CDKAL1: variants seen among roughly 807,000 people sequenced by gnomAD.
The protein encoded by CDKAL1 is threonylcarbamoyladenosine tRNA methylthiotransferase.
In CDKAL1, 32 loss-of-function variants were observed where a neutral mutation model predicts 68.2. The observed-to-expected ratio is 0.47, with a 90% CI of 0.35 to 0.63. The LOEUF (loss-of-function observed/expected upper bound fraction) is 0.63. Among genes scored for constraint, CDKAL1 ranks in the 30% least tolerant of loss-of-function variants. The probability of loss-of-function intolerance (pLI) is 0.00; values close to 1 mark genes in which losing one functional copy is unlikely to be tolerated. For synonymous variants in CDKAL1, 234 were observed against 244.3 expected (o/e 0.96, Z 0.39); for missense variants, 606 against 696.7 (o/e 0.87, Z 1.47).
chr6:20,779,013 C>T (rs1193860395), intron 7 of CDKAL1, among the ~76,000 whole-genome samples: 1 of 152,170 alleles, frequency 6.6e-6, no homozygotes, highest in East Asian at 1.9e-4. Context: ...ATAAGAAATA[C>T]ATTTGGCTGA....
At chr6:20,575,600 A>G (rs1193505616) in intron 4 of CDKAL1, among the ~76,000 whole-genome samples, 1 of 152,034 alleles carries the variant, frequency 6.6e-6, no homozygotes, top group African/African-American at 2.4e-5. Context: ...GGTCCAAGTT[A>G]TTTCTATGGT....
intron 12 of CDKAL1, among the ~76,000 whole-genome samples, chr6:21,092,198 T>G (rs1401401439): frequency 6.8e-6 from 1 of 146,248 alleles, no homozygotes; most frequent in Non-Finnish European, 1.5e-5. Flanking sequence ...GCTCAGAACT[T>G]TCAATCAGCT....
In CDKAL1 at chr6:21,103,965, C is replaced by T. The variant is rs374517075; in HGVS notation, c.1237-4436C>T. Among the ~76,000 whole-genome samples the T allele has an allele frequency of 9.2e-5, 14 of 152,156 alleles. No homozygotes were observed. In the South Asian group the frequency reaches 1.2e-3, roughly 14 times the overall value. Reference sequence around the variant, plus strand: ...AGTTAAAACTGTTGATAGCAAGGCTCGACAGGTTTTGTAGAGTAGTTCTCT... The same window carrying T: ...AGTTAAAACTGTTGATAGCAAGGCTTGACAGGTTTTGTAGAGTAGTTCTCT... On this transcript the variant is annotated intron_variant, in intron 12 of 15. Coordinates refer to ENST00000274695, the MANE Select transcript of CDKAL1 (RefSeq NM_017774.3).
chr6:21,175,411 C>T (rs1162489570), intron 13 of CDKAL1, among the ~76,000 whole-genome samples: 3 of 152,150 alleles, frequency 2.0e-5, no homozygotes, highest in African/African-American at 7.2e-5. Context: ...GCTGCTCACC[C>T]CTCTTTGTTG....
At chr6:21,076,175 CG>C (rs1308008901) in intron 12 of CDKAL1, among the ~76,000 whole-genome samples, 1 of 152,134 alleles carries the variant, frequency 6.6e-6, no homozygotes, top group Non-Finnish European at 1.5e-5. Context: ...TTTGCCAAAA[CG>C]GTCTCTGGCA....
intron 9 of CDKAL1, among the ~76,000 whole-genome samples, chr6:20,898,848 A>G (rs1405161608): frequency 1.3e-5 from 2 of 152,102 alleles, no homozygotes; most frequent in African/African-American, 4.8e-5. Context: ...TGCTCAAAGG[A>G]GCTTCTGCTA....
chr6:21,027,379 A>T (rs948065437), intron 11 of CDKAL1, among the ~76,000 whole-genome samples: 6 of 152,166 alleles, frequency 3.9e-5, no homozygotes, highest in African/African-American at 1.4e-4. Flanking sequence ...GCAGTTATAT[A>T]CTGGCCATTG....
Position 21,095,056 on chromosome 6 carries a change from G to A in CDKAL1, c.1237-13345G>A, listed in dbSNP as rs534103050. 1.2e-4 allele frequency among the ~76,000 whole-genome samples: 18 copies of A among 152,236 alleles called. No homozygotes were observed. In the East Asian group the frequency reaches 3.3e-3, roughly 28 times the overall value. ...AAAAAACAGAAAGCATACAGTATAC[G>A]CAATAAGTGGATGGTTAGGACCTCT... is the stretch of plus-strand genomic sequence containing the variant. On this transcript the variant is annotated intron_variant, in intron 12 of 15. Transcript: ENST00000274695.
chr6:20,634,831 G>A (rs908598334), intron 4 of CDKAL1, among the ~76,000 whole-genome samples: 2 of 152,024 alleles, frequency 1.3e-5, no homozygotes, highest in South Asian at 4.2e-4. Flanking sequence ...TACAAAATTA[G>A]CCAGGTATGG....
chr6:20,545,663 T>C (rs1763570603), intron 2 of CDKAL1, among the ~76,000 whole-genome samples: 1 of 152,142 alleles, frequency 6.6e-6, no homozygotes, highest in Non-Finnish European at 1.5e-5. Context: ...CTCAAACGCC[T>C]GACCTCAAGT....
At chr6:20,916,176 G>C (rs1468582450) in intron 9 of CDKAL1, among the ~76,000 whole-genome samples, 1 of 152,160 alleles carries the variant, frequency 6.6e-6, no homozygotes, top group African/African-American at 2.4e-5. Context: ...TCCTCTAAAA[G>C]AGTGAGTTCA....
rs967642448 is a variant in CDKAL1 at position 20,595,257 on chromosome 6, C to G, written c.286+46552C>G. On this transcript the variant is annotated intron_variant, in intron 4 of 15. Coordinates refer to ENST00000274695, the MANE Select transcript of CDKAL1 (RefSeq NM_017774.3). ...GGAAGTTCTCCTGGATAGTATCCTGCAGAGTGTTTTCCAACTTGGTTCCAT... is the reference window on the plus strand; with the variant it reads ...GGAAGTTCTCCTGGATAGTATCCTGGAGAGTGTTTTCCAACTTGGTTCCAT... Among the ~76,000 whole-genome samples the G allele has an allele frequency of 5.3e-5, 8 of 152,264 alleles. No homozygotes were observed. In the South Asian group the frequency reaches 1.7e-3, roughly 32 times the overall value.
At chr6:20,915,151 G>A (rs940437614) in intron 9 of CDKAL1, among the ~76,000 whole-genome samples, 10 of 149,564 alleles carry the variant, frequency 6.7e-5, no homozygotes, top group Non-Finnish European at 3.0e-5. Flanking sequence ...TAAAATCACA[G>A]ATTATTTATA....
intron 10 of CDKAL1, among the ~76,000 whole-genome samples, chr6:20,960,268 C>T (rs1764990017): frequency 6.6e-6 from 1 of 152,152 alleles, no homozygotes; most frequent in Non-Finnish European, 1.5e-5. Context: ...AAACATACAC[C>T]ACTGTGCCTG....
Position 20,653,292 on chromosome 6 carries a change from A to G in CDKAL1, c.371+3915A>G, listed in dbSNP as rs1489012127. Among the ~76,000 whole-genome samples, 3 of 152,282 alleles carry G rather than the reference A, an allele frequency of 2.0e-5. No individual in the cohort carries two copies. The East Asian group carries it at 5.8e-4, about 29-fold the overall frequency. Reference sequence around the variant, plus strand: ...CATTCAAACTTTATTAGGTAACGCCAATTTCTTTTCACGAATGGATGTAGT... The same window carrying G: ...CATTCAAACTTTATTAGGTAACGCCGATTTCTTTTCACGAATGGATGTAGT... On this transcript the variant is annotated intron_variant, in intron 5 of 15. Transcript: ENST00000274695.
intron 8 of CDKAL1, among the ~76,000 whole-genome samples, chr6:20,787,489 C>G (rs889490595): frequency 2.0e-5 from 3 of 152,212 alleles, no homozygotes; most frequent in African/African-American, 4.8e-5. Flanking sequence ...CAGTCTCCAA[C>G]CAGAATTTAG....
chr6:20,608,466 C>A (rs1173859854), intron 4 of CDKAL1, among the ~76,000 whole-genome samples: 1 of 152,114 alleles, frequency 6.6e-6, no homozygotes, highest in Non-Finnish European at 1.5e-5. Flanking sequence ...GTAAATAAAA[C>A]CCAGTGTTAT....
rs1450162795 is a variant in CDKAL1 at position 21,040,175 on chromosome 6, T to C, written c.1056-24873T>C. 2.0e-5 allele frequency among the ~76,000 whole-genome samples: 3 copies of C among 152,212 alleles called. No individual in the cohort carries two copies. In the East Asian group the frequency reaches 5.8e-4, roughly 29 times the overall value. On this transcript the variant is annotated intron_variant, in intron 11 of 15. Coordinates refer to ENST00000274695, the MANE Select transcript of CDKAL1 (RefSeq NM_017774.3). ...TGTAATTTAAACACATCTGTTCAAA[T>C]ATGCATTTCAGATCAACTTGGTGCC... is the stretch of plus-strand genomic sequence containing the variant.
At chr6:21,220,515 T>A (rs1779500560) in intron 15 of CDKAL1, among the ~76,000 whole-genome samples, 1 of 152,206 alleles carries the variant, frequency 6.6e-6, no homozygotes, top group Non-Finnish European at 1.5e-5. Context: ...TTGGAGAAGT[T>A]ATGTATAAAC....
Sources: allele counts gnomAD v4.1 joint callset (sites outside exome capture counted in the v4.1 genomes callset), GRCh38; gene constraint gnomAD v4.1.1; transcripts MANE v1.5; gene names NCBI Gene and HGNC (gene_info 2026-07-23, HGNC 2026-07-21).